BPIFC: variants seen among roughly 807,000 people sequenced by gnomAD.
BPIFC encodes BPI fold-containing family C protein.
In BPIFC, 60 loss-of-function variants were observed where a neutral mutation model predicts 57.6. The observed-to-expected ratio is 1.04, with a 90% CI of 0.85 to 1.29. The LOEUF is 1.29. Ranked by LOEUF, BPIFC falls within the 50% of genes most tolerant of loss-of-function variation. The pLI, the probability that BPIFC is intolerant of heterozygous loss-of-function variation, is 0.00. For missense variants in BPIFC, 581 were observed against 600.5 expected, an observed-to-expected ratio of 0.97 and a Z score of 0.34; for synonymous variants, 243 against 224.5, an observed-to-expected ratio of 1.08 and a Z score of -0.74.
chr22:32,425,475 G>A (rs1208184527), intron 13 of BPIFC, among the ~76,000 whole-genome samples: 1 of 152,136 alleles, frequency 6.6e-6, no homozygotes, highest in Admixed American at 6.5e-5. Context: ...AGGATACAGG[G>A]GAGCGAAGTG....
At chr22:32,445,728 A>AAAAAAAAAAC in intron 6 of BPIFC, 30 bp from the exon 7 acceptor site, 1 of 1,528,728 alleles carries the variant, frequency 6.5e-7, no homozygotes, top group Non-Finnish European at 8.8e-7. Context: ...AAAAAAAAAA[A>AAAAAAAAAAC]AAAAAAAGAG....
intron 4 of BPIFC, among the ~76,000 whole-genome samples, chr22:32,452,207 T>TC (rs1371042655): frequency 6.6e-6 from 1 of 152,136 alleles, no homozygotes; most frequent in Non-Finnish European, 1.5e-5. Context: ...CAGCCTAATA[T>TC]CCCCTGTTCC....
chr22:32,434,193 CTTTA>C lies in BPIFC; in HGVS notation c.925-425_925-422del, dbSNP rs1449206496. On this transcript the variant is annotated intron_variant, in intron 10 of 16. Coordinates refer to ENST00000300399, the MANE Select transcript of BPIFC (RefSeq NM_174932.3). ...TACAATCTATCTATGTGTACATATT[CTTTA>C]TTTATGTATATTACAATCTAATGTG... Among the ~76,000 whole-genome samples the C allele has an allele frequency of 8.2e-5, 12 of 147,188 alleles. No individual in the cohort carries two copies. The South Asian group carries it at 8.7e-4, about 11-fold the overall frequency.
intron 13 of BPIFC, among the ~76,000 whole-genome samples, chr22:32,429,989 C>G (rs888715390): frequency 2.0e-5 from 3 of 152,182 alleles, no homozygotes; most frequent in African/African-American, 7.2e-5. Flanking sequence ...ATTCTCCCCC[C>G]AGGTAGTCTG....
At chr22:32,441,946 G>C (rs188365782) in intron 8 of BPIFC, among the ~76,000 whole-genome samples, 108 of 152,222 alleles carry the variant, frequency 7.1e-4, no homozygotes, top group African/African-American at 2.5e-3. Context: ...TTCACAATAG[G>C]GTTCGCACTC....
chr22:32,438,957 A>G (rs1013996656), intron 8 of BPIFC, among the ~76,000 whole-genome samples: 1 of 152,134 alleles, frequency 6.6e-6, no homozygotes, highest in Non-Finnish European at 1.5e-5. Context: ...AATCCAAATA[A>G]TTTTATGTAT....
chr22:32,440,374 T>C (rs556615893), intron 8 of BPIFC, among the ~76,000 whole-genome samples: 1 of 152,248 alleles, frequency 6.6e-6, no homozygotes, highest in East Asian at 1.9e-4. Context: ...ACTCCTGACC[T>C]CAAGCAATCC....
intron 2 of BPIFC, 64 bp downstream of exon 2, chr22:32,461,510 C>G (rs1935159673): frequency 1.1e-6 from 1 of 890,106 alleles, no homozygotes; most frequent in African/African-American, 1.8e-5. Flanking sequence ...GTGTAAAGCC[C>G]TCCATGTCCT....
At chr22:32,438,963 T>C (rs570407765) in intron 8 of BPIFC, among the ~76,000 whole-genome samples, 2 of 152,248 alleles carry the variant, frequency 1.3e-5, no homozygotes, top group East Asian at 1.9e-4. Flanking sequence ...AATAATTTTA[T>C]GTATTATCAT....
chr22:32,435,815 T>C lies in BPIFC; in HGVS notation c.813A>G (p.Pro271=). 2 of 1,614,156 alleles carry C rather than the reference T, an allele frequency of 1.2e-6. No individual in the cohort carries two copies. Among genetic ancestry groups the C allele is most frequent in the Non-Finnish European group, 1.7e-6 (2 of 1,180,018 alleles). The part of the protein sequence containing the change: ...PPFSPVPFVL[P]ERSNSMLYIG... ...TGTAGAGCATGGAGTTGCTGCGTTC[T>C]GGGAGCACAAAAGGAACTGGTGAGA... The change falls in exon 10 of 17, where the codon CCA becomes CCG. Residue 271 remains proline (P), a synonymous_variant. Transcript: ENST00000300399.
intron 2 of BPIFC, among the ~76,000 whole-genome samples, chr22:32,461,294 C>A (rs1031127994): frequency 6.6e-6 from 1 of 152,146 alleles, no homozygotes; most frequent in Non-Finnish European, 1.5e-5. Context: ...GGACAAGTTA[C>A]AGAGGGAAAC....
chr22:32,434,426 A>G (rs1661066258), intron 10 of BPIFC, among the ~76,000 whole-genome samples: 1 of 149,256 alleles, frequency 6.7e-6, no homozygotes, highest in South Asian at 2.1e-4. Flanking sequence ...ATATATTACA[A>G]TCTATGTATA....
At chr22:32,459,555 C>A (rs896186370) in intron 2 of BPIFC, among the ~76,000 whole-genome samples, 2 of 151,860 alleles carry the variant, frequency 1.3e-5, no homozygotes, top group Admixed American at 6.6e-5. Context: ...CCCAGCTACT[C>A]GGGACGCTGA....
intron 3 of BPIFC, among the ~76,000 whole-genome samples, chr22:32,455,566 G>A (rs1278390513): frequency 2.0e-5 from 3 of 152,116 alleles, no homozygotes; most frequent in African/African-American, 7.2e-5. Flanking sequence ...TTTCACAAAG[G>A]AGGCAGCTGA....
intron 4 of BPIFC, among the ~76,000 whole-genome samples, chr22:32,452,755 G>A (rs1934930507): frequency 6.6e-6 from 1 of 152,176 alleles, no homozygotes; most frequent in Admixed American, 6.5e-5. Flanking sequence ...CACTGGATGG[G>A]TAAAATCTTT....
chr22:32,442,843 C>T (rs1934602960), intron 7 of BPIFC, 112 bp from the exon 8 acceptor site: 2 of 990,628 alleles, frequency 2.0e-6, no homozygotes, highest in Non-Finnish European at 3.0e-6. Flanking sequence ...AGTCATTATC[C>T]CTTTGGTCAT....
At chr22:32,416,855 G>T (rs988044523) in intron 15 of BPIFC, among the ~76,000 whole-genome samples, 2 of 152,182 alleles carry the variant, frequency 1.3e-5, no homozygotes, top group African/African-American at 4.8e-5. Context: ...CGATCTTGCT[G>T]AGTTTGCAAA....
At chr22:32,448,355 G>A (rs2145954996) in intron 4 of BPIFC, among the ~76,000 whole-genome samples, 1 of 152,260 alleles carries the variant, frequency 6.6e-6, no homozygotes, top group East Asian at 1.9e-4. Flanking sequence ...TTATAGGCGT[G>A]AGCCACTGTG....
chr22:32,449,167 T>G (rs1001014462), intron 4 of BPIFC, among the ~76,000 whole-genome samples: 1 of 152,182 alleles, frequency 6.6e-6, no homozygotes, highest in Admixed American at 6.5e-5. Context: ...GACTTCAGAC[T>G]CTTCACCACG....
Sources: allele counts gnomAD v4.1 joint callset (sites outside exome capture counted in the v4.1 genomes callset), GRCh38; gene constraint gnomAD v4.1.1; transcripts MANE v1.5; gene names NCBI Gene and HGNC (gene_info 2026-07-23, HGNC 2026-07-21).